The following KCNQ3 variants were observed in gnomAD, a reference collection of about 807,000 sequenced individuals.
KCNQ3 encodes potassium voltage-gated channel subfamily KQT member 3.
In KCNQ3, 30 loss-of-function variants were observed where a neutral mutation model predicts 92.5. The ratio of observed to expected loss-of-function variants is 0.32; its 90% confidence interval spans 0.24 to 0.44. KCNQ3 has a LOEUF of 0.44. Among genes scored for constraint, KCNQ3 ranks in the 20% least tolerant of loss-of-function variants. The pLI is 1.00. For synonymous variants in KCNQ3, 450 were observed against 468.8 expected (o/e 0.96, Z 0.52); for missense variants, 913 against 1,140.3 (o/e 0.80, Z 2.87).
chr8:132,291,431 T>C (rs553614197), intron 1 of KCNQ3, among the ~76,000 whole-genome samples: 7 of 152,338 alleles, frequency 4.6e-5, no homozygotes, highest in East Asian at 1.9e-4. Flanking sequence ...CTCCAGGACA[T>C]TGCCGATGTC....
At chr8:132,440,904 G>C (rs1159416246) in intron 1 of KCNQ3, among the ~76,000 whole-genome samples, 1 of 152,206 alleles carries the variant, frequency 6.6e-6, no homozygotes, top group African/African-American at 2.4e-5. Flanking sequence ...TCTGCTCAAA[G>C]GGGTATGGCA....
intron 1 of KCNQ3, among the ~76,000 whole-genome samples, chr8:132,333,655 G>T (rs1818290427): frequency 6.6e-6 from 1 of 151,944 alleles, no homozygotes; most frequent in Non-Finnish European, 1.5e-5. Flanking sequence ...ATATTCTCTT[G>T]TGTGCCTGGA....
chr8:132,284,596 A>G (rs1261620701), intron 1 of KCNQ3, among the ~76,000 whole-genome samples: 1 of 152,202 alleles, frequency 6.6e-6, no homozygotes, highest in African/African-American at 2.4e-5. Context: ...CAAGTCTGAA[A>G]CACAGCAACC....
chr8:132,383,002 C>G (rs1262329360), intron 1 of KCNQ3, among the ~76,000 whole-genome samples: 1 of 152,188 alleles, frequency 6.6e-6, no homozygotes, highest in African/African-American at 2.4e-5. Flanking sequence ...AGACCTGGCT[C>G]CAGCCTCACA....
chr8:132,328,350 A>C (rs1345812619), intron 1 of KCNQ3, among the ~76,000 whole-genome samples: 4 of 152,060 alleles, frequency 2.6e-5, no homozygotes, highest in Non-Finnish European at 5.9e-5. Flanking sequence ...GGGCAAATCG[A>C]CTGAGGCTAT....
At chr8:132,208,634 G>T (rs1813748583) in intron 1 of KCNQ3, among the ~76,000 whole-genome samples, 1 of 152,120 alleles carries the variant, frequency 6.6e-6, no homozygotes, top group East Asian at 1.9e-4. Context: ...GAATATCAGG[G>T]TCAGAAAATA....
At chr8:132,327,078 C>A (rs1418303476) in intron 1 of KCNQ3, among the ~76,000 whole-genome samples, 1 of 152,174 alleles carries the variant, frequency 6.6e-6, no homozygotes, top group Non-Finnish European at 1.5e-5. Context: ...TTGCTATACC[C>A]TCGAGCCTAA....
rs1824808776 is a variant in KCNQ3, at chr8:132,129,859, GTCC to G, written c.2019_2021del (p.Glu673del). On this transcript the variant is annotated inframe_deletion, in exon 15 of 15. Coordinates refer to ENST00000388996, the MANE Select transcript of KCNQ3 (RefSeq NM_004519.4). The surrounding 1 kb of genome is among the most constrained non-coding windows in gnomAD (Gnocchi z 5.9). ...TGGTTTTCAAATCGGAATACCTGTT[GTCC>G]TCCTTCTTCTCTGCTTCAGCTGGCG... The G allele has an allele frequency of 1.9e-6, 3 of 1,614,056 alleles. No homozygotes were observed. The highest frequency in any genetic ancestry group is 2.2e-5 in the East Asian group (1 of 44,880).
At chr8:132,140,719 A>G (rs942687561) in intron 10 of KCNQ3, 2 of 273,256 alleles carry the variant, frequency 7.3e-6, no homozygotes, top group Non-Finnish European at 1.4e-5. Flanking sequence ...AAAGAGGCAC[A>G]TGAGGCCATG....
intron 1 of KCNQ3, among the ~76,000 whole-genome samples, chr8:132,201,678 G>C (rs1036347333): frequency 6.6e-6 from 1 of 152,160 alleles, no homozygotes; most frequent in African/African-American, 2.4e-5. Context: ...CTGGAGTAGA[G>C]GACAGACCCT....
intron 1 of KCNQ3, among the ~76,000 whole-genome samples, chr8:132,370,025 A>T (rs1819429824): frequency 2.0e-5 from 3 of 152,016 alleles, no homozygotes; most frequent in Admixed American, 6.5e-5. Context: ...ATCTTTTAAG[A>T]CTTGGTGGAA....
At chr8:132,374,098 G>T (rs938315898) in intron 1 of KCNQ3, among the ~76,000 whole-genome samples, 1 of 152,102 alleles carries the variant, frequency 6.6e-6, no homozygotes, top group African/African-American at 2.4e-5. Context: ...CTCCTGTCAA[G>T]GAGGCCACTT....
chr8:132,232,098 C>T (rs1483254061), intron 1 of KCNQ3, among the ~76,000 whole-genome samples: 1 of 152,198 alleles, frequency 6.6e-6, no homozygotes, highest in South Asian at 2.1e-4. Flanking sequence ...AAGTCCTAGA[C>T]AAATGACTCC....
At chr8:132,301,552 ATC>A (rs1351971017) in intron 1 of KCNQ3, among the ~76,000 whole-genome samples, 1 of 152,240 alleles carries the variant, frequency 6.6e-6, no homozygotes, top group East Asian at 1.9e-4. Flanking sequence ...TTTACTGACC[ATC>A]TACTAAGTGG....
chr8:132,202,527 G>A (rs1827494292), intron 1 of KCNQ3, among the ~76,000 whole-genome samples: 1 of 151,948 alleles, frequency 6.6e-6, no homozygotes. Context: ...AAGAAGCCAC[G>A]CAGCACCTTG....
Position 132,129,347 on chromosome 8 carries a change from A to C in KCNQ3, c.2534T>G (p.Phe845Cys), listed in dbSNP as rs751186425. 3.7e-6 allele frequency: 6 copies of C among 1,614,210 alleles called. No individual in the cohort carries two copies. Among genetic ancestry groups the C allele is most frequent in the Non-Finnish European group, 4.2e-6 (5 of 1,180,038 alleles). The change falls in exon 15 of 15, where the codon TTC (phenylalanine) becomes TGC (cysteine). Residue 845 changes from phenylalanine (F) to cysteine (C), a missense_variant. Phe to Cys is a radical substitution (Grantham distance 205). Coordinates refer to ENST00000388996, the MANE Select transcript of KCNQ3 (RefSeq NM_004519.4). The surrounding 1 kb of genome is among the most constrained non-coding windows in gnomAD (Gnocchi z 5.9). ...CAGAGGCATGGAGCCGCTGGGCGTG[A>C]AGGGGTCCGTGTCTGTGTCCGTCTC... Reference protein sequence around the residue: ...EGETDTDTDPFTPSGSMPLSS... With the variant: ...EGETDTDTDPCTPSGSMPLSS...
chr8:132,155,143 C>T (rs531736122), intron 9 of KCNQ3, among the ~76,000 whole-genome samples: 23 of 152,296 alleles, frequency 1.5e-4, no homozygotes, highest in African/African-American at 5.3e-4. Flanking sequence ...GCACCCCCGA[C>T]ACTACATTGT....
intron 7 of KCNQ3, among the ~76,000 whole-genome samples, chr8:132,170,787 G>A (rs1357059989): frequency 6.6e-6 from 1 of 151,480 alleles, no homozygotes; most frequent in Non-Finnish European, 1.5e-5. Context: ...CAAGGTGGGA[G>A]GATCACTTGA....
chr8:132,364,744 T>C (rs1279628473), intron 1 of KCNQ3, among the ~76,000 whole-genome samples: 4 of 150,466 alleles, frequency 2.7e-5, no homozygotes, highest in Non-Finnish European at 4.4e-5. Flanking sequence ...GGGTGGCTGG[T>C]TGGATGGATG....
Sources: gnomAD v4.1 joint callset for allele counts (sites outside exome capture counted in the v4.1 genomes callset) on GRCh38, gnomAD v4.1.1 for gene constraint, Gnocchi (gnomAD v3.1) non-coding constraint, MANE v1.5 for transcripts, NCBI Gene and HGNC (gene_info 2026-07-23, HGNC 2026-07-21) for gene names.